PCDHGA3: variants seen among roughly 807,000 people sequenced by gnomAD.
PCDHGA3 encodes the protein protocadherin gamma subfamily A, 3.
A neutral mutation model predicts 58.5 loss-of-function variants in PCDHGA3; 40 were observed. That is an observed-to-expected ratio of 0.68 (90% CI 0.53 to 0.89). The LOEUF is 0.89. Ranked by LOEUF, PCDHGA3 falls within the 40% of genes least tolerant of loss-of-function variation. The probability of loss-of-function intolerance (pLI) is 0.00; values close to 1 mark genes in which losing one functional copy is unlikely to be tolerated. For missense variants in PCDHGA3, 1,223 were observed against 1,195.9 expected (o/e 1.02, Z -0.33); for synonymous variants, 530 against 525.7 (o/e 1.01, Z -0.11).
chr5:141,415,764 T>G lies in PCDHGA3; in HGVS notation c.2424+69307T>G, dbSNP rs1158166352. The G allele has an allele frequency of 5.0e-6, 7 of 1,391,674 alleles. No homozygotes were observed. The African/African-American group carries it at 7.5e-5, about 15-fold the overall frequency. 86.2% of individuals were successfully genotyped at this position (1,391,674 alleles called of 1,614,324 possible). Reference sequence around the variant, plus strand: ...GGTTTTTTTTTTTTTTTTTTTTTTTTTTTTTTTTACTTTCTGGTAAAATTC... The same window carrying G: ...GGTTTTTTTTTTTTTTTTTTTTTTTGTTTTTTTTACTTTCTGGTAAAATTC... On this transcript the variant is annotated intron_variant, in intron 1 of 3. Coordinates refer to ENST00000253812, the MANE Select transcript of PCDHGA3 (RefSeq NM_018916.4).
rs201968743 is a variant in PCDHGA3, at chr5:141,490,095, A to G, written c.2425-4712A>G. On this transcript the variant is annotated intron_variant, in intron 1 of 3. Coordinates refer to ENST00000253812, the MANE Select transcript of PCDHGA3 (RefSeq NM_018916.4). The surrounding 1 kb of genome is among the most constrained non-coding windows in gnomAD (Gnocchi z 5.4). ...TAGACTATTCTTTTGGAGACCACAC[A>G]TCTGAGGCAGTGCGGAACCTCTTTG... 2.4e-4 allele frequency: 394 copies of G among 1,614,156 alleles called. No individual in the cohort carries two copies. The highest frequency in any genetic ancestry group is 3.1e-4 in the Non-Finnish European group (363 of 1,180,054).
intron 1 of PCDHGA3, chr5:141,400,586 A>G (rs963844263): frequency 6.2e-7 from 1 of 1,607,730 alleles, no homozygotes; most frequent in Non-Finnish European, 8.5e-7. Context: ...TTTACATGAA[A>G]CTATCGTACA....
chr5:141,450,092 C>T (rs761677942), intron 1 of PCDHGA3, among the ~76,000 whole-genome samples: 2 of 148,672 alleles, frequency 1.3e-5, no homozygotes, highest in Non-Finnish European at 3.0e-5. Flanking sequence ...CTGCAACCTC[C>T]GCCTCCCAGG....
At chr5:141,397,241 A>G (rs907539043) in intron 1 of PCDHGA3, among the ~76,000 whole-genome samples, 1 of 152,232 alleles carries the variant, frequency 6.6e-6, no homozygotes, top group Admixed American at 6.5e-5. Context: ...AGAGCAACGT[A>G]GTAGGGTATA....
At position 141,490,870 on chromosome 5, in the gene PCDHGA3, T is replaced by C; in HGVS notation, c.2425-3937T>C. Reference sequence around the variant, plus strand: ...GGTTCGAGACTCCGGCTCTCCCCCATTGCATGCCAACACATCTCTGCATGT... The same window carrying C: ...GGTTCGAGACTCCGGCTCTCCCCCACTGCATGCCAACACATCTCTGCATGT... On this transcript the variant is annotated intron_variant, in intron 1 of 3. Coordinates refer to ENST00000253812, the MANE Select transcript of PCDHGA3 (RefSeq NM_018916.4). The surrounding 1 kb of genome is among the most constrained non-coding windows in gnomAD (Gnocchi z 5.4). 6.2e-7 allele frequency: 1 copy of C among 1,613,888 alleles called. No homozygotes were observed. Among genetic ancestry groups the C allele is most frequent in the Non-Finnish European group, 8.5e-7 (1 of 1,179,932 alleles).
chr5:141,372,297 A>G, intron 1 of PCDHGA3: 1 of 1,613,298 alleles, frequency 6.2e-7, no homozygotes, highest in South Asian at 1.1e-5. Context: ...CTTGGGCGAC[A>G]GGGAGGCCGC....
rs535024997 is a variant in PCDHGA3, at chr5:141,371,494, C to T, written c.2424+25037C>T. ...GATGCTGAGCTGGGGACTGCCGTTG[C>T]CCTGATCAAAACACATGATCTAGAT... On this transcript the variant is annotated intron_variant, in intron 1 of 3. Coordinates refer to ENST00000253812, the MANE Select transcript of PCDHGA3 (RefSeq NM_018916.4). The T allele has an allele frequency of 2.5e-6, 4 of 1,613,888 alleles. No individual in the cohort carries two copies. In the Admixed American group the frequency reaches 5.0e-5, roughly 20 times the overall value.
chr5:141,366,934 G>A, intron 1 of PCDHGA3: 1 of 893,774 alleles, frequency 1.1e-6, no homozygotes, highest in Non-Finnish European at 1.6e-6. Flanking sequence ...GTTTTGGGAA[G>A]TCTAGCTGAT....
chr5:141,440,563 T>C (rs1048420758), intron 1 of PCDHGA3: 3 of 152,250 alleles, frequency 2.0e-5, no homozygotes, highest in Admixed American at 6.5e-5. Flanking sequence ...TTAAGTTACG[T>C]ATCTCTGAGT....
At chr5:141,481,592 C>T (rs765060653) in intron 1 of PCDHGA3, among the ~76,000 whole-genome samples, 2 of 152,112 alleles carry the variant, frequency 1.3e-5, no homozygotes, top group East Asian at 1.9e-4. Context: ...CTGAGGCCAG[C>T]GGATCACCTG....
intron 1 of PCDHGA3, chr5:141,355,665 T>C: frequency 6.2e-7 from 1 of 1,614,016 alleles, no homozygotes; most frequent in Non-Finnish European, 8.5e-7. Context: ...TTCCTCTTCC[T>C]GAAGCTTTTG....
chr5:141,428,108 G>C (rs771684309), intron 1 of PCDHGA3: 6 of 1,608,094 alleles, frequency 3.7e-6, no homozygotes, highest in Admixed American at 1.7e-5. Context: ...ACGTGCTGCA[G>C]GCCATCGAGC....
chr5:141,409,833 C>G (rs973436075), intron 1 of PCDHGA3: 2 of 1,611,368 alleles, frequency 1.2e-6, no homozygotes, highest in Non-Finnish European at 1.7e-6. Context: ...ACGCTCAGCG[C>G]CAACGTGAGC....
chr5:141,397,353 AG>A (rs556761818), intron 1 of PCDHGA3, among the ~76,000 whole-genome samples: 31 of 152,340 alleles, frequency 2.0e-4, no homozygotes, highest in Non-Finnish European at 2.9e-4. Flanking sequence ...TAATATAGTC[AG>A]GAAGAGGAGA....
chr5:141,420,079 C>A, intron 1 of PCDHGA3: 1 of 1,613,998 alleles, frequency 6.2e-7, no homozygotes, highest in Non-Finnish European at 8.5e-7. Flanking sequence ...CTGTGGGTCC[C>A]CCCAACTACA....
Position 141,447,048 on chromosome 5 carries a change from A to G in PCDHGA3, c.2425-47759A>G, listed in dbSNP as rs149112101. Among the ~76,000 whole-genome samples, 216 of 152,182 alleles carry G rather than the reference A, an allele frequency of 1.4e-3. 1 individual carries two copies. Among genetic ancestry groups the G allele is most frequent in the African/African-American group, 4.8e-3 (198 of 41,512 alleles). On this transcript the variant is annotated intron_variant, in intron 1 of 3. Transcript: ENST00000253812. ...GTTTTTTTTCTGTGTCTGGAATTCT[A>G]TTAAAATGTGTCAGGCTGTTTTAAT...
intron 1 of PCDHGA3, chr5:141,422,516 G>A (rs575294611): frequency 1.2e-6 from 2 of 1,614,014 alleles, no homozygotes; most frequent in African/African-American, 1.3e-5. Context: ...GACCAGGGAA[G>A]CCCGCCTTTG....
At position 141,487,075 on chromosome 5, in the gene PCDHGA3, C is replaced by T. The variant is rs755563146; in HGVS notation, c.2425-7732C>T. The T allele has an allele frequency of 1.9e-6, 3 of 1,614,116 alleles. No individual in the cohort carries two copies. The highest frequency in any genetic ancestry group is 2.5e-6 in the Non-Finnish European group (3 of 1,179,982). ...GGGAGGTGCGGACGGCTGTTCCTATCCCAGCTGACCTCCCACCACAGAAGC... is the reference window on the plus strand; with the variant it reads ...GGGAGGTGCGGACGGCTGTTCCTATTCCAGCTGACCTCCCACCACAGAAGC... On this transcript the variant is annotated intron_variant, in intron 1 of 3. Transcript: ENST00000253812. This position sits in a 1 kb window ranked among gnomAD's most constrained non-coding sequence, Gnocchi z 5.0.
chr5:141,416,791 G>A (rs1389798483), intron 1 of PCDHGA3: 2 of 152,166 alleles, frequency 1.3e-5, no homozygotes, highest in South Asian at 2.1e-4. Context: ...TCTACTAAAT[G>A]TGGTAGTATA....
Sources: gnomAD v4.1 joint callset for allele counts (sites outside exome capture counted in the v4.1 genomes callset) on GRCh38, gnomAD v4.1.1 for gene constraint, Gnocchi (gnomAD v3.1) non-coding constraint, MANE v1.5 for transcripts, NCBI Gene and HGNC (gene_info 2026-07-23, HGNC 2026-07-21) for gene names.